The following PCMTD1 variants were observed in gnomAD, a reference collection of about 807,000 sequenced individuals.
PCMTD1 encodes the protein protein-L-isoaspartate O-methyltransferase domain-containing protein 1.
Under a neutral mutation model 37.6 loss-of-function variants are expected in PCMTD1, and 12 were observed. That is an observed-to-expected ratio of 0.32 (90% CI 0.20 to 0.52). PCMTD1 has a LOEUF of 0.52. PCMTD1 is among the 20% of genes least tolerant of loss of function. The pLI is 0.97. For missense variants in PCMTD1, 235 were observed against 421.3 expected, an observed-to-expected ratio of 0.56 and a Z score of 3.87; for synonymous variants, 117 against 135.8, an observed-to-expected ratio of 0.86 and a Z score of 0.96.
intron 5 of PCMTD1, among the ~76,000 whole-genome samples, chr8:51,823,876 C>T (rs566176729): frequency 6.6e-6 from 1 of 152,284 alleles, no homozygotes; most frequent in African/African-American, 2.4e-5. Flanking sequence ...CCCTGGGATG[C>T]AAGGATGATT....
At chr8:51,873,492 C>CA (rs1368126851) in intron 1 of PCMTD1, among the ~76,000 whole-genome samples, 1 of 152,158 alleles carries the variant, frequency 6.6e-6, no homozygotes, top group East Asian at 1.9e-4. Flanking sequence ...CTGTCATCAT[C>CA]AAATCATAGT....
At chr8:51,892,484 C>G (rs1428622001) in intron 1 of PCMTD1, among the ~76,000 whole-genome samples, 2 of 152,202 alleles carry the variant, frequency 1.3e-5, no homozygotes, top group East Asian at 3.8e-4. Flanking sequence ...CACTAATCAT[C>G]AGGTCAGAAA....
intron 2 of PCMTD1, among the ~76,000 whole-genome samples, chr8:51,851,932 G>A (rs940016924): frequency 1.3e-5 from 2 of 152,156 alleles, no homozygotes; most frequent in Non-Finnish European, 2.9e-5. Context: ...TTACAGGCAT[G>A]AGACACCACC....
At chr8:51,825,263 C>A (rs1051544148) in intron 5 of PCMTD1, among the ~76,000 whole-genome samples, 8 of 152,142 alleles carry the variant, frequency 5.3e-5, no homozygotes, top group African/African-American at 1.9e-4. Flanking sequence ...AGACAACCTA[C>A]AGAATGGGAG....
At chr8:51,897,483 T>C (rs535578328) in intron 1 of PCMTD1, among the ~76,000 whole-genome samples, 2 of 152,168 alleles carry the variant, frequency 1.3e-5, no homozygotes, top group South Asian at 2.1e-4. Context: ...AGTGTTCAAC[T>C]GACCATATGG....
intron 2 of PCMTD1, among the ~76,000 whole-genome samples, chr8:51,859,732 C>T (rs1217881813): frequency 6.6e-6 from 1 of 152,136 alleles, no homozygotes; most frequent in East Asian, 1.9e-4. Context: ...GTAGGACTGT[C>T]CCAACACACT....
In PCMTD1 at chr8:51,898,945, C is replaced by T. The variant is rs756700025; in HGVS notation, c.-111G>A. 26 of 1,411,516 alleles carry T rather than the reference C, an allele frequency of 1.8e-5. No individual in the cohort carries two copies. The highest frequency in any genetic ancestry group is 1.9e-5 in the Non-Finnish European group (21 of 1,083,752). 87.4% of individuals were successfully genotyped at this position (1,411,516 alleles called of 1,614,324 possible). A position where few individuals can be genotyped will look rare whatever the true frequency, so the allele number is the denominator to read the frequency against. On this transcript the variant is annotated 5_prime_UTR_variant, in exon 1 of 6. Transcript: ENST00000522514. ...GCGGCGTTACCTGTGGCGCGGGCAG[C>T]GGCGCGCAGGCCAGGCGCTAGGACT...
chr8:51,888,298 A>G (rs758315812), intron 1 of PCMTD1, among the ~76,000 whole-genome samples: 2 of 152,180 alleles, frequency 1.3e-5, no homozygotes, highest in African/African-American at 4.8e-5. Flanking sequence ...AAAATTGTCA[A>G]TTCAATGCAG....
At chr8:51,891,949 T>C (rs980618695) in intron 1 of PCMTD1, among the ~76,000 whole-genome samples, 1 of 152,078 alleles carries the variant, frequency 6.6e-6, no homozygotes, top group African/African-American at 2.4e-5. Flanking sequence ...GAATTCTGAC[T>C]GACATTTTTA....
intron 1 of PCMTD1, among the ~76,000 whole-genome samples, chr8:51,869,235 C>T (rs757259627): frequency 2.6e-5 from 4 of 152,024 alleles, no homozygotes; most frequent in Non-Finnish European, 4.4e-5. Context: ...AAAATAAACA[C>T]TAATAAAAAC....
rs1304290346 is a variant in PCMTD1 at position 51,825,557 on chromosome 8, G to A, written c.707-4839C>T. Among the ~76,000 whole-genome samples, 7 of 58,012 alleles carry A rather than the reference G, an allele frequency of 1.2e-4. 2 individuals are homozygous for A. The highest frequency in any genetic ancestry group is 2.0e-4 in the African/African-American group (7 of 35,244). The allele number at this position is 58,012 out of a possible 152,430, so 38.1% of individuals were successfully genotyped here. A position where few individuals can be genotyped will look rare whatever the true frequency, so the allele number is the denominator to read the frequency against. On this transcript the variant is annotated intron_variant, in intron 5 of 5. Coordinates refer to ENST00000522514, the MANE Select transcript of PCMTD1 (RefSeq NM_052937.4). ...AAAATACAAAAAATTAGCCGGGCGCGGTGGCGGGCGCCTGTAGTCCCAGCT... is the reference window on the plus strand; with the variant it reads ...AAAATACAAAAAATTAGCCGGGCGCAGTGGCGGGCGCCTGTAGTCCCAGCT...
chr8:51,846,520 A>C (rs2038222642), intron 2 of PCMTD1, among the ~76,000 whole-genome samples: 1 of 152,214 alleles, frequency 6.6e-6, no homozygotes. Flanking sequence ...CCACATGAGA[A>C]TATAACACAC....
intron 2 of PCMTD1, among the ~76,000 whole-genome samples, chr8:51,855,969 G>A (rs1357659196): frequency 1.3e-5 from 2 of 152,070 alleles, no homozygotes; most frequent in African/African-American, 2.4e-5. Flanking sequence ...GCCTGGCCCA[G>A]AATGTGTTTT....
chr8:51,837,653 A>T (rs1320919177), intron 3 of PCMTD1, among the ~76,000 whole-genome samples: 1 of 152,198 alleles, frequency 6.6e-6, no homozygotes, highest in Non-Finnish European at 1.5e-5. Context: ...TCAATCTGTA[A>T]AGCGATTATG....
chr8:51,893,979 T>C (rs1048868216), intron 1 of PCMTD1, among the ~76,000 whole-genome samples: 1 of 152,206 alleles, frequency 6.6e-6, no homozygotes, highest in Non-Finnish European at 1.5e-5. Context: ...TCTTATATAA[T>C]CCAATTACAA....
chr8:51,824,074 A>T (rs1010321161), intron 5 of PCMTD1, among the ~76,000 whole-genome samples: 1 of 152,208 alleles, frequency 6.6e-6, no homozygotes, highest in African/African-American at 2.4e-5. Flanking sequence ...TTTATGACAA[A>T]CCCACAGCCA....
intron 1 of PCMTD1, among the ~76,000 whole-genome samples, chr8:51,888,670 T>A (rs1168069636): frequency 6.6e-6 from 1 of 152,230 alleles, no homozygotes; most frequent in Admixed American, 6.5e-5. Flanking sequence ...ATGTGCACAT[T>A]CAAATTTAGT....
intron 2 of PCMTD1, among the ~76,000 whole-genome samples, chr8:51,856,948 T>C (rs2038398840): frequency 6.6e-6 from 1 of 152,196 alleles, no homozygotes; most frequent in Admixed American, 6.5e-5. Context: ...AATTGTACTC[T>C]TAAATGAGTA....
intron 2 of PCMTD1, chr8:51,849,651 A>G (rs528221790): frequency 1.6e-4 from 25 of 156,060 alleles, no homozygotes; most frequent in Non-Finnish European, 3.0e-4. Context: ...AGTAAAATCT[A>G]GGCTGCTTTC....
Sources: allele counts gnomAD v4.1 joint callset (sites outside exome capture counted in the v4.1 genomes callset), GRCh38; gene constraint gnomAD v4.1.1; transcripts MANE v1.5; gene names NCBI Gene and HGNC (gene_info 2026-07-23, HGNC 2026-07-21).